KCND3: variants seen among roughly 807,000 people sequenced by gnomAD.
KCND3 encodes the protein potassium voltage-gated channel subfamily D member 3, also known as A-type voltage-gated potassium channel KCND3.
In KCND3, 9 loss-of-function variants were observed where a neutral mutation model predicts 51.1. The observed-to-expected ratio is 0.18, with a 90% CI of 0.11 to 0.31. The LOEUF (loss-of-function observed/expected upper bound fraction) is 0.31, where lower values mean the gene tolerates loss of function less well. KCND3 is among the 10% of genes least tolerant of loss of function. The pLI is 1.00. For synonymous variants in KCND3, 349 were observed against 368.0 expected (o/e 0.95, Z 0.59); for missense variants, 526 against 903.8 (o/e 0.58, Z 5.36).
intron 2 of KCND3, among the ~76,000 whole-genome samples, chr1:111,915,557 C>A (rs1210832943): frequency 1.3e-5 from 2 of 151,926 alleles, no homozygotes; most frequent in African/African-American, 4.8e-5. Flanking sequence ...TCGAGCCCAT[C>A]CTGGCTAACA....
At position 111,787,097 on chromosome 1, in the gene KCND3, G is replaced by A; in HGVS notation, c.1116C>T (p.Asp372=). The A allele has an allele frequency of 6.2e-7, 1 of 1,614,178 alleles. No homozygotes were observed. The highest frequency in any genetic ancestry group is 8.5e-7 in the Non-Finnish European group (1 of 1,180,046). The change falls in exon 3 of 8, where the codon GAC becomes GAT. Residue 372 remains aspartate, a synonymous_variant. Coordinates refer to ENST00000302127, the MANE Select transcript of KCND3 (RefSeq NM_001378969.1). ...TCCCTGCAATCGTCTTAGGCACCAT[G>A]TCTCCGTATCTGAGAGAGGGAGAGA... The part of the protein sequence containing the change: ...IVTMTTLGYG[D]MVPKTIAGKI...
chr1:111,986,805 G>C (rs1054545636), intron 1 of KCND3, among the ~76,000 whole-genome samples: 1 of 152,094 alleles, frequency 6.6e-6, no homozygotes, highest in Non-Finnish European at 1.5e-5. Context: ...GGTAGCAAAG[G>C]GAGCTCTGGG....
At chr1:111,831,650 C>T (rs1429314410) in intron 2 of KCND3, among the ~76,000 whole-genome samples, 1 of 152,190 alleles carries the variant, frequency 6.6e-6, no homozygotes, top group Admixed American at 6.5e-5. Flanking sequence ...TCAGGTCTCA[C>T]CTACTCCAGG....
At chr1:111,988,105 G>A (rs1053414668) in intron 1 of KCND3, among the ~76,000 whole-genome samples, 1 of 152,178 alleles carries the variant, frequency 6.6e-6, no homozygotes, top group Non-Finnish European at 1.5e-5. Context: ...GTCCTTCAAT[G>A]ACCTCAGTGG....
chr1:111,781,162 G>C (rs1309618203), intron 3 of KCND3, among the ~76,000 whole-genome samples: 5 of 152,172 alleles, frequency 3.3e-5, no homozygotes, highest in Admixed American at 6.5e-5. Flanking sequence ...CCTTAGAGGA[G>C]TGTATGTGAT....
intron 2 of KCND3, among the ~76,000 whole-genome samples, chr1:111,971,311 A>C (rs1177703666): frequency 2.1e-5 from 3 of 143,692 alleles, no homozygotes; most frequent in East Asian, 2.0e-4. Flanking sequence ...AAAAAAAAAA[A>C]ACACCACAAA....
intron 2 of KCND3, among the ~76,000 whole-genome samples, chr1:111,837,774 C>G (rs898868996): frequency 1.3e-5 from 2 of 152,144 alleles, no homozygotes; most frequent in Non-Finnish European, 2.9e-5. Context: ...TAGATGCCCC[C>G]CCTCGAAAAA....
chr1:111,857,245 C>T (rs1171748247), intron 2 of KCND3, among the ~76,000 whole-genome samples: 2 of 152,188 alleles, frequency 1.3e-5, no homozygotes, highest in African/African-American at 4.8e-5. Context: ...GTTACAGATG[C>T]TCTGGGCTCC....
intron 2 of KCND3, chr1:111,909,297 A>T (rs1670809239): frequency 6.6e-6 from 1 of 152,238 alleles, no homozygotes; most frequent in Non-Finnish European, 1.5e-5. Flanking sequence ...TCTCATCATG[A>T]CACACTGCTC....
At chr1:111,865,673 CT>C (rs753259999) in intron 2 of KCND3, among the ~76,000 whole-genome samples, 6 of 152,202 alleles carry the variant, frequency 3.9e-5, no homozygotes, top group South Asian at 2.1e-4. Context: ...CTCTGGAATC[CT>C]TTTTTTGGGG....
chr1:111,861,416 C>T (rs943436790), intron 2 of KCND3, among the ~76,000 whole-genome samples: 2 of 152,166 alleles, frequency 1.3e-5, no homozygotes, highest in Non-Finnish European at 2.9e-5. Context: ...GTGCAAATCC[C>T]TTTCCTTTCC....
chr1:111,915,953 A>G (rs1372268905), intron 2 of KCND3, among the ~76,000 whole-genome samples: 1 of 152,042 alleles, frequency 6.6e-6, no homozygotes, highest in African/African-American at 2.4e-5. Context: ...AAGAAAGGAG[A>G]AATAGACAAA....
chr1:111,902,650 T>C (rs931133741), intron 2 of KCND3, among the ~76,000 whole-genome samples: 14 of 152,362 alleles, frequency 9.2e-5, no homozygotes, highest in African/African-American at 3.1e-4. Context: ...TGGATTCCAA[T>C]CTGAACTTTG....
chr1:111,892,160 C>T (rs933100700), intron 2 of KCND3, among the ~76,000 whole-genome samples: 4 of 152,134 alleles, frequency 2.6e-5, no homozygotes, highest in Non-Finnish European at 5.9e-5. Context: ...GAACTGACGA[C>T]GACGGATGAG....
chr1:111,818,035 C>T (rs375900290), intron 2 of KCND3, among the ~76,000 whole-genome samples: 5,402 of 127,720 alleles, frequency 0.042, 112 homozygotes, highest in South Asian at 0.051. Flanking sequence ...TAGGCACACG[C>T]GCGTGCACAC....
intron 2 of KCND3, among the ~76,000 whole-genome samples, chr1:111,951,681 A>G (rs561205604): frequency 3.7e-4 from 56 of 152,346 alleles, no homozygotes; most frequent in Non-Finnish European, 7.2e-4. Context: ...ATTCTACAGT[A>G]AGGAGGGACA....
chr1:111,807,898 AT>A (rs1157296668), intron 2 of KCND3, among the ~76,000 whole-genome samples: 1 of 152,252 alleles, frequency 6.6e-6, no homozygotes, highest in Non-Finnish European at 1.5e-5. Context: ...ACAGACCACC[AT>A]ATTAACAATT....
chr1:111,953,309 G>A (rs1673150291), intron 2 of KCND3, among the ~76,000 whole-genome samples: 1 of 152,198 alleles, frequency 6.6e-6, no homozygotes, highest in Non-Finnish European at 1.5e-5. Flanking sequence ...AGTTACTGGT[G>A]TGCTGTGAGT....
chr1:111,896,447 C>T (rs1204037611), intron 2 of KCND3, among the ~76,000 whole-genome samples: 1 of 152,166 alleles, frequency 6.6e-6, no homozygotes, highest in Non-Finnish European at 1.5e-5. Flanking sequence ...TCCTGTTTTA[C>T]AAGTGGGGAC....
Sources: gnomAD v4.1 joint callset for allele counts (sites outside exome capture counted in the v4.1 genomes callset) on GRCh38, gnomAD v4.1.1 for gene constraint, MANE v1.5 for transcripts, NCBI Gene and HGNC (gene_info 2026-07-23, HGNC 2026-07-21) for gene names.